Variants in ANXA8 observed in about 807,000 individuals in gnomAD.
ANXA8 encodes annexin A8, also known as VAC-beta.
Under a neutral mutation model 26.8 loss-of-function variants are expected in ANXA8, and 9 were observed. That is an observed-to-expected ratio of 0.34 (90% CI 0.20 to 0.59). The LOEUF is 0.59. Among genes scored for constraint, ANXA8 ranks in the 20% least tolerant of loss-of-function variants. ANXA8 has a pLI of 0.84. For missense variants in ANXA8, 83 were observed against 238.5 expected, an observed-to-expected ratio of 0.35 and a Z score of 4.29; for synonymous variants, 39 against 94.8, an observed-to-expected ratio of 0.41 and a Z score of 3.42.
At chr10:47,983,256 A>T in the ANXA8 span, among the ~76,000 whole-genome samples, 35 of 63,342 alleles carry the variant, frequency 5.5e-4, 6 homozygotes, top group African/African-American at 1.6e-3. Context: ...AAGAGAACTG[A>T]AAACCTATAT....
At chr10:47,593,703 A>C in the ANXA8 span, among the ~76,000 whole-genome samples, 1 of 149,242 alleles carries the variant, frequency 6.7e-6, no homozygotes, top group Non-Finnish European at 1.5e-5. Context: ...AATCACATAC[A>C]CCACTGTCAT....
chr10:47,517,304 G>A, the ANXA8 span, among the ~76,000 whole-genome samples: 1 of 75,862 alleles, frequency 1.3e-5, no homozygotes, highest in Non-Finnish European at 2.3e-5. Flanking sequence ...ACAGAGTTTC[G>A]CTCTGTCGCC....
the ANXA8 span, among the ~76,000 whole-genome samples, chr10:47,603,301 T>A: frequency 2.3e-3 from 343 of 149,144 alleles, 3 homozygotes; most frequent in East Asian, 0.025. Context: ...TACCAACATA[T>A]TATAGAAAGA....
At chr10:47,522,294 G>A in the ANXA8 span, among the ~76,000 whole-genome samples, 1 of 145,584 alleles carries the variant, frequency 6.9e-6, no homozygotes, top group South Asian at 2.2e-4. Flanking sequence ...TTTAGAACAA[G>A]GAGGTAAATA....
the ANXA8 span, among the ~76,000 whole-genome samples, chr10:47,562,862 G>A: frequency 2.6e-5 from 4 of 151,020 alleles, no homozygotes; most frequent in African/African-American, 4.9e-5. Context: ...CCCATTTGAA[G>A]CCAAAACCTC....
the ANXA8 span, among the ~76,000 whole-genome samples, chr10:47,947,641 C>T: frequency 4.6e-5 from 7 of 150,886 alleles, no homozygotes; most frequent in South Asian, 4.2e-4. Flanking sequence ...CCTCCTGCTC[C>T]GCCATGTGAA....
At chr10:47,481,618 G>A (rs1213397542) in intron 1 of ANXA8, among the ~76,000 whole-genome samples, 2 of 151,924 alleles carry the variant, frequency 1.3e-5, no homozygotes, top group Non-Finnish European at 2.9e-5. Context: ...CATCCCTGAG[G>A]AGCATGCAGT....
At chr10:47,747,266 C>T in the ANXA8 span, among the ~76,000 whole-genome samples, 1 of 152,070 alleles carries the variant, frequency 6.6e-6, no homozygotes, top group South Asian at 2.1e-4. Context: ...GCAGCTGGAA[C>T]TGAAGGGGCC....
At chr10:47,970,253 C>T in the ANXA8 span, 1 of 151,526 alleles carries the variant, frequency 6.6e-6, no homozygotes, top group African/African-American at 2.4e-5. Context: ...CACATCCAGG[C>T]TGAGTGCTGT....
chr10:47,733,231 CTCTCTT>C, the ANXA8 span, among the ~76,000 whole-genome samples: 61 of 75,042 alleles, frequency 8.1e-4, no homozygotes, highest in East Asian at 5.3e-3. Context: ...CTCTTTCTTT[CTCTCTT>C]TCTTTCTTTC....
the ANXA8 span, among the ~76,000 whole-genome samples, chr10:47,619,348 T>G: frequency 4.4e-5 from 5 of 113,082 alleles, 1 homozygote; most frequent in Non-Finnish European, 9.7e-5. Flanking sequence ...AATGAATCCT[T>G]TACCCACAAT....
chr10:47,767,326 C>A, the ANXA8 span, among the ~76,000 whole-genome samples: 1 of 150,010 alleles, frequency 6.7e-6, no homozygotes, highest in Admixed American at 6.6e-5. Flanking sequence ...GAGGGAGTAT[C>A]TTTCCTTGTT....
At chr10:47,676,875 G>A in the ANXA8 span, among the ~76,000 whole-genome samples, 1 of 146,794 alleles carries the variant, frequency 6.8e-6, no homozygotes, top group Non-Finnish European at 1.5e-5. Flanking sequence ...CCGAGATCAT[G>A]TGCCACTGCA....
the ANXA8 span, among the ~76,000 whole-genome samples, chr10:47,683,986 C>A: frequency 0.019 from 2,868 of 151,774 alleles, 99 homozygotes; most frequent in African/African-American, 0.065. Context: ...TGATACAATT[C>A]ATCCTGTTTT....
At chr10:47,940,117 G>A in the ANXA8 span, among the ~76,000 whole-genome samples, 6 of 151,422 alleles carry the variant, frequency 4.0e-5, no homozygotes, top group East Asian at 8.2e-4. Flanking sequence ...CCCTTGTTTC[G>A]TGTCTGCATC....
At chr10:47,685,994 G>C in the ANXA8 span, among the ~76,000 whole-genome samples, 1 of 149,560 alleles carries the variant, frequency 6.7e-6, no homozygotes, top group Non-Finnish European at 1.5e-5. Context: ...GGCAATTAGG[G>C]CAGCTTTCCT....
At chr10:47,627,232 A>C in the ANXA8 span, among the ~76,000 whole-genome samples, 2 of 150,102 alleles carry the variant, frequency 1.3e-5, no homozygotes, top group Admixed American at 1.3e-4. Flanking sequence ...AGGCTAGAAA[A>C]TGTCTTATAT....
chr10:47,959,048 G>A, the ANXA8 span, among the ~76,000 whole-genome samples: 1 of 149,760 alleles, frequency 6.7e-6, no homozygotes, highest in South Asian at 2.1e-4. Flanking sequence ...GCCGGGGGAT[G>A]AGCCCATCTG....
the ANXA8 span, among the ~76,000 whole-genome samples, chr10:47,506,642 T>C: frequency 1.5e-5 from 2 of 135,322 alleles, 1 homozygote; most frequent in Non-Finnish European, 3.2e-5. Flanking sequence ...CTTATTGCTT[T>C]TTTTGTTTGT....
Sources: allele counts gnomAD v4.1 joint callset (sites outside exome capture counted in the v4.1 genomes callset), GRCh38; gene constraint gnomAD v4.1.1; transcripts MANE v1.5; gene names NCBI Gene and HGNC (gene_info 2026-07-23, HGNC 2026-07-21).